The following RRAGB variants were observed in gnomAD, a reference collection of about 807,000 sequenced individuals.
RRAGB encodes ras-related GTP-binding protein B.
In RRAGB, 6 loss-of-function variants were observed where a neutral mutation model predicts 29.3. The observed-to-expected ratio is 0.21, with a 90% CI of 0.11 to 0.40. The LOEUF is 0.40. RRAGB is among the 10% of genes least tolerant of loss of function. The pLI is 1.00. For synonymous variants in RRAGB, 101 were observed against 92.5 expected (o/e 1.09, Z -0.53); for missense variants, 184 against 272.9 (o/e 0.67, Z 2.29).
At chrX:55,744,932 C>T (rs2034198663) in intron 5 of RRAGB, among the ~76,000 whole-genome samples, 1 of 111,904 alleles carries the variant, frequency 8.9e-6, no homozygotes, top group African/African-American at 3.2e-5. Context: ...CAAATGAAGA[C>T]TGTGTTGCCT....
chrX:55,729,791 CT>C (rs1358993551), intron 4 of RRAGB, among the ~76,000 whole-genome samples: 2 of 112,297 alleles, frequency 1.8e-5, no homozygotes, highest in Non-Finnish European at 3.8e-5. Flanking sequence ...AAGTTACCTA[CT>C]TTTTGGAAGA....
intron 5 of RRAGB, among the ~76,000 whole-genome samples, chrX:55,738,959 C>T (rs1005434327): frequency 1.8e-5 from 2 of 112,101 alleles, no homozygotes; most frequent in African/African-American, 6.5e-5. Context: ...GGGCAGTTCC[C>T]TGGCCACTAG....
chrX:55,758,238 G>A lies in RRAGB; in HGVS notation c.944-8G>A, dbSNP rs770584199. On this transcript the variant is annotated splice_polypyrimidine_tract_variant and splice_region_variant and intron_variant, in intron 9 of 9. Coordinates refer to ENST00000374941, the MANE Select transcript of RRAGB (RefSeq NM_006064.5). ...AATTCTGTTGGGTGTTTCCGCCCCC[G>A]CCCTCAGCTTCTGCAGCTACTCTGA... is the stretch of plus-strand genomic sequence containing the variant. 12 of 1,156,221 alleles carry A rather than the reference G, an allele frequency of 1.0e-5. No individual in the cohort carries two copies. The highest frequency in any genetic ancestry group is 8.9e-5 in the Admixed American group (4 of 44,730).
At chrX:55,744,271 C>T (rs1455909996) in intron 5 of RRAGB, among the ~76,000 whole-genome samples, 4 of 106,135 alleles carry the variant, frequency 3.8e-5, no homozygotes, top group African/African-American at 1.4e-4. Flanking sequence ...TGCCATGCGC[C>T]TGTAGTCCGA....
chrX:55,757,120 C>T (rs2034676331), intron 8 of RRAGB, 96 bp from the exon 9 acceptor site: 1 of 422,461 alleles, frequency 2.4e-6, no homozygotes. Flanking sequence ...AGGTATAGTG[C>T]TATACCTCAA....
chrX:55,722,141 A>G, intron 2 of RRAGB, 45 bp from the exon 3 acceptor site: 1 of 818,724 alleles, frequency 1.2e-6, no homozygotes, highest in Non-Finnish European at 1.8e-6. Flanking sequence ...GATTTGCTCT[A>G]GATTGCTAAC....
chrX:55,734,511 TTTC>T (rs1387358829), intron 5 of RRAGB, among the ~76,000 whole-genome samples: 8 of 112,003 alleles, frequency 7.1e-5, no homozygotes, highest in Non-Finnish European at 1.9e-5. Context: ...GGAATCTTCT[TTTC>T]TTGCTTTATC....
intron 2 of RRAGB, among the ~76,000 whole-genome samples, chrX:55,721,252 G>C (rs1298554808): frequency 8.9e-6 from 1 of 111,903 alleles, no homozygotes; most frequent in Non-Finnish European, 1.9e-5. Flanking sequence ...TTCTGAGAGA[G>C]AAGGACAGAC....
chrX:55,755,582 A>C (rs1211464063), intron 7 of RRAGB: 1 of 741,322 alleles, frequency 1.3e-6, no homozygotes, highest in African/African-American at 2.3e-5. Context: ...AGTTAGAAAA[A>C]ATAGCAGTGA....
chrX:55,729,814 C>G (rs2033612568), intron 4 of RRAGB, among the ~76,000 whole-genome samples: 1 of 112,412 alleles, frequency 8.9e-6, no homozygotes, highest in African/African-American at 3.2e-5. Context: ...TAGGAGTTAG[C>G]TCTTCCTCTT....
chrX:55,721,435 A>G (rs2033276080), intron 2 of RRAGB, among the ~76,000 whole-genome samples: 1 of 112,153 alleles, frequency 8.9e-6, no homozygotes, highest in African/African-American at 3.2e-5. Flanking sequence ...TAGCTGAAGG[A>G]AGAAAAGAGA....
chrX:55,730,843 A>G (rs1489344027), intron 4 of RRAGB, among the ~76,000 whole-genome samples: 3 of 111,058 alleles, frequency 2.7e-5, no homozygotes, highest in African/African-American at 9.8e-5. Context: ...AGTAAGAGGA[A>G]TGTATTGATA....
chrX:55,741,975 C>T (rs1268089013), intron 5 of RRAGB, among the ~76,000 whole-genome samples: 2 of 112,068 alleles, frequency 1.8e-5, no homozygotes, highest in African/African-American at 3.2e-5. Flanking sequence ...CAAGGTCATA[C>T]TTCCATTTAA....
At chrX:55,751,540 G>A (rs1050748582) in intron 6 of RRAGB, 8 of 137,953 alleles carry the variant, frequency 5.8e-5, no homozygotes, top group African/African-American at 2.2e-4. Context: ...GTTGTATCTA[G>A]TATTCAGGTA....
intron 5 of RRAGB, among the ~76,000 whole-genome samples, chrX:55,742,817 G>A (rs776371512): frequency 7.2e-5 from 8 of 111,693 alleles, no homozygotes; most frequent in East Asian, 5.6e-4. Flanking sequence ...TTTATTGGAC[G>A]CTGACTCAGA....
At chrX:55,756,000 A>G (rs2034648555) in intron 8 of RRAGB, 68 bp downstream of exon 8, 6 of 747,832 alleles carry the variant, frequency 8.0e-6, no homozygotes, top group African/African-American at 2.1e-5. Context: ...TAGAAGTTCA[A>G]ATAACTATAG....
chrX:55,718,562 A>G, intron 1 of RRAGB, 143 bp downstream of exon 1: 1 of 420,766 alleles, frequency 2.4e-6, no homozygotes, highest in Non-Finnish European at 4.1e-6. Context: ...TATGCTTTGG[A>G]CGACAGGATA....
intron 2 of RRAGB, among the ~76,000 whole-genome samples, chrX:55,721,473 G>C (rs952146398): frequency 8.9e-6 from 1 of 111,881 alleles, no homozygotes; most frequent in Non-Finnish European, 1.9e-5. Flanking sequence ...AGAGAGTACT[G>C]CGTGAAACAA....
At chrX:55,724,608 T>G (rs1201834795) in intron 3 of RRAGB, among the ~76,000 whole-genome samples, 1 of 111,541 alleles carries the variant, frequency 9.0e-6, no homozygotes, top group Non-Finnish European at 1.9e-5. Context: ...CTGTCCAAAC[T>G]TCTCTCTGCT....
Sources: gnomAD v4.1 joint callset for allele counts (sites outside exome capture counted in the v4.1 genomes callset) on GRCh38, gnomAD v4.1.1 for gene constraint, MANE v1.5 for transcripts, NCBI Gene and HGNC (gene_info 2026-07-23, HGNC 2026-07-21) for gene names.